Variants in DCC observed in about 807,000 individuals in gnomAD.
DCC encodes the protein netrin receptor DCC.
DCC carries 58 observed loss-of-function variants against 172.5 expected under a neutral mutation model. That is an observed-to-expected ratio of 0.34 (90% confidence interval 0.27 to 0.42). DCC has a LOEUF of 0.42. Among genes scored for constraint, DCC ranks in the 10% least tolerant of loss-of-function variants. The pLI, the probability that DCC is intolerant of heterozygous loss-of-function variation, is 1.00. For missense variants in DCC, 1,740 were observed against 1,791.0 expected, an observed-to-expected ratio of 0.97 and a Z score of 0.51; for synonymous variants, 709 against 644.5, an observed-to-expected ratio of 1.10 and a Z score of -1.52.
intron 1 of DCC, among the ~76,000 whole-genome samples, chr18:52,468,008 C>T (rs1316271633): frequency 6.6e-6 from 1 of 151,966 alleles, no homozygotes; most frequent in Admixed American, 6.6e-5. Flanking sequence ...AATGATGAGC[C>T]CTATTACTCT....
At chr18:53,407,405 G>A (rs1478243350) in intron 19 of DCC, among the ~76,000 whole-genome samples, 2 of 150,358 alleles carry the variant, frequency 1.3e-5, no homozygotes, top group South Asian at 2.1e-4. Context: ...CTAAAGAAAT[G>A]TTTTTATCCT....
intron 5 of DCC, among the ~76,000 whole-genome samples, chr18:53,000,305 G>A (rs915317545): frequency 1.3e-5 from 2 of 152,000 alleles, no homozygotes; most frequent in African/African-American, 2.4e-5. Flanking sequence ...TATAGTAAGC[G>A]GTGCCCCTTG....
intron 12 of DCC, among the ~76,000 whole-genome samples, chr18:53,216,588 G>A (rs1396223597): frequency 6.6e-6 from 1 of 152,060 alleles, no homozygotes; most frequent in Non-Finnish European, 1.5e-5. Context: ...CGATGAATCT[G>A]ACTTGATAGT....
chr18:52,705,300 A>G (rs2036187603), intron 1 of DCC, among the ~76,000 whole-genome samples: 1 of 152,292 alleles, frequency 6.6e-6, no homozygotes, highest in Non-Finnish European at 1.5e-5. Flanking sequence ...AGCAACCCCA[A>G]AATAGATTTA....
Position 52,523,812 on chromosome 18 carries a change from T to C in DCC, c.91+182934T>C, listed in dbSNP as rs150106861. On this transcript the variant is annotated intron_variant, in intron 1 of 28. Transcript: ENST00000442544. ...AATTACAATTTTTAAAGTTTGTTTATTAATACCAGCAGGGACTTGGGATTA... is the reference window on the plus strand; with the variant it reads ...AATTACAATTTTTAAAGTTTGTTTACTAATACCAGCAGGGACTTGGGATTA... Among the ~76,000 whole-genome samples, 636 of 152,348 alleles carry C rather than the reference T, an allele frequency of 4.2e-3. 9 individuals carry two copies. The highest frequency in any genetic ancestry group is 0.031 in the Middle Eastern group (9 of 294).
At chr18:53,173,325 AC>A (rs2055041475) in intron 8 of DCC, among the ~76,000 whole-genome samples, 1 of 152,064 alleles carries the variant, frequency 6.6e-6, no homozygotes, top group Admixed American at 6.6e-5. Flanking sequence ...GAATGCCTAA[AC>A]CTCAGGCTAT....
At chr18:53,513,527 TAA>T (rs2046287633) in intron 27 of DCC, among the ~76,000 whole-genome samples, 1 of 152,138 alleles carries the variant, frequency 6.6e-6, no homozygotes, top group African/African-American at 2.4e-5. Flanking sequence ...GCAAATTGGA[TAA>T]AGAGTCAAGA....
chr18:53,194,923 C>T (rs1470559309), intron 9 of DCC, among the ~76,000 whole-genome samples: 4 of 152,222 alleles, frequency 2.6e-5, no homozygotes, highest in African/African-American at 4.8e-5. Flanking sequence ...AATACTTCTT[C>T]CTCCAATTGT....
rs1304721362 is a variant in DCC, at chr18:53,532,057, G to A, written c.*1404G>A. 1 of 152,166 alleles carries A rather than the reference G, an allele frequency of 6.6e-6. No individual in the cohort carries two copies. The highest frequency in any genetic ancestry group is 1.5e-5 in the Non-Finnish European group (1 of 68,032). 9.4% of individuals were successfully genotyped at this position (152,166 alleles called of 1,614,324 possible). ...TTTGGAGTTAATCCCTGTTTATGCA[G>A]CTGAATCGCCAAAAGGGAGCTAGTT... On this transcript the variant is annotated 3_prime_UTR_variant, in exon 29 of 29. Transcript: ENST00000442544.
At chr18:52,832,168 A>G (rs1410260991) in intron 2 of DCC, among the ~76,000 whole-genome samples, 1 of 152,102 alleles carries the variant, frequency 6.6e-6, no homozygotes, top group African/African-American at 2.4e-5. Flanking sequence ...CCTTTACATG[A>G]TGGCACCAGC....
intron 1 of DCC, among the ~76,000 whole-genome samples, chr18:52,664,913 T>C (rs2035436885): frequency 6.6e-6 from 1 of 152,160 alleles, no homozygotes; most frequent in Admixed American, 6.5e-5. Context: ...ATAAATGCCC[T>C]CCCTCCAACA....
At chr18:52,670,942 T>C (rs771006793) in intron 1 of DCC, among the ~76,000 whole-genome samples, 1 of 152,222 alleles carries the variant, frequency 6.6e-6, no homozygotes, top group Non-Finnish European at 1.5e-5. Flanking sequence ...ACTCTCTATG[T>C]AAAATACTGT....
chr18:53,256,987 A>G (rs933156186), intron 12 of DCC, among the ~76,000 whole-genome samples: 33 of 152,038 alleles, frequency 2.2e-4, no homozygotes, highest in Non-Finnish European at 4.4e-5. Context: ...GTGAATGGGA[A>G]TTCACTCATG....
At chr18:53,244,924 A>G (rs1220047214) in intron 12 of DCC, among the ~76,000 whole-genome samples, 2 of 152,146 alleles carry the variant, frequency 1.3e-5, no homozygotes, top group Non-Finnish European at 2.9e-5. Flanking sequence ...GGATAAAAGC[A>G]ATATATCCTA....
intron 13 of DCC, among the ~76,000 whole-genome samples, chr18:53,307,932 T>C (rs1272667428): frequency 7.5e-6 from 1 of 133,266 alleles, no homozygotes; most frequent in Non-Finnish European, 1.6e-5. Context: ...TATATATATA[T>C]ATATATATAT....
At chr18:52,686,630 T>C (rs2035840304) in intron 1 of DCC, among the ~76,000 whole-genome samples, 1 of 152,148 alleles carries the variant, frequency 6.6e-6, no homozygotes. Context: ...CAAATTATTA[T>C]GGACAATTTC....
intron 12 of DCC, among the ~76,000 whole-genome samples, chr18:53,255,229 T>C (rs966926522): frequency 1.3e-5 from 2 of 151,854 alleles, no homozygotes; most frequent in Admixed American, 6.6e-5. Flanking sequence ...TCTATTATTA[T>C]TATACTTTAA....
At chr18:53,201,953 GA>G (rs1434633142) in intron 9 of DCC, among the ~76,000 whole-genome samples, 1 of 152,110 alleles carries the variant, frequency 6.6e-6, no homozygotes, top group East Asian at 1.9e-4. Context: ...AGATGGATTG[GA>G]ATGGGATGCA....
chr18:52,613,056 G>C (rs2034304596), intron 1 of DCC, among the ~76,000 whole-genome samples: 1 of 152,204 alleles, frequency 6.6e-6, no homozygotes, highest in Non-Finnish European at 1.5e-5. Context: ...GTTATAGACA[G>C]GATGGACATC....
Sources: allele counts gnomAD v4.1 joint callset (sites outside exome capture counted in the v4.1 genomes callset), GRCh38; gene constraint gnomAD v4.1.1; transcripts MANE v1.5; gene names NCBI Gene and HGNC (gene_info 2026-07-23, HGNC 2026-07-21).